Variants in KDM4C observed in about 807,000 individuals in gnomAD.
KDM4C encodes the protein lysine demethylase 4C, also known as lysine-specific demethylase 4C.
A neutral mutation model predicts 129.3 loss-of-function variants in KDM4C; 81 were observed. That is an observed-to-expected ratio of 0.63 (90% CI 0.52 to 0.75). KDM4C has a LOEUF of 0.75. Among genes scored for constraint, KDM4C ranks in the 30% least tolerant of loss-of-function variants. KDM4C has a pLI of 0.00. For missense variants in KDM4C, 1,457 were observed against 1,304.0 expected (o/e 1.12, Z -1.81); for synonymous variants, 573 against 456.1 (o/e 1.26, Z -3.26).
chr9:7,066,140 A>G (rs1354152131), intron 17 of KDM4C, among the ~76,000 whole-genome samples: 1 of 152,236 alleles, frequency 6.6e-6, no homozygotes, highest in East Asian at 1.9e-4. Flanking sequence ...GAAAAATTAT[A>G]GAATAAAGGT....
intron 17 of KDM4C, among the ~76,000 whole-genome samples, chr9:7,069,741 A>G (rs1832939177): frequency 6.6e-6 from 1 of 152,202 alleles, no homozygotes; most frequent in African/African-American, 2.4e-5. Context: ...TTCACAAGGA[A>G]ATGTGACTCC....
chr9:6,911,018 G>A (rs1819199275), intron 8 of KDM4C, among the ~76,000 whole-genome samples: 1 of 152,030 alleles, frequency 6.6e-6, no homozygotes, highest in Non-Finnish European at 1.5e-5. Context: ...ATAGAAAGAT[G>A]TTTATTAAAT....
chr9:6,840,522 G>A (rs906695966), intron 4 of KDM4C, among the ~76,000 whole-genome samples: 7 of 151,858 alleles, frequency 4.6e-5, no homozygotes, highest in Admixed American at 1.3e-4. Context: ...TCAGCCTCCC[G>A]AGTAGCTGGG....
chr9:7,045,368 C>T (rs975051243), intron 15 of KDM4C, among the ~76,000 whole-genome samples: 7 of 152,098 alleles, frequency 4.6e-5, no homozygotes, highest in South Asian at 2.1e-4. Flanking sequence ...TTCATGTATA[C>T]AACGAAAGTA....
intron 1 of KDM4C, among the ~76,000 whole-genome samples, chr9:6,772,690 T>C (rs988219420): frequency 6.9e-6 from 1 of 144,578 alleles, no homozygotes; most frequent in African/African-American, 2.6e-5. Context: ...TTTTTTCTTT[T>C]ACTTTTTTTT....
chr9:6,792,860 G>A (rs1024695459), intron 1 of KDM4C, 112 bp from the exon 2 acceptor site: 32 of 1,040,392 alleles, frequency 3.1e-5, no homozygotes, highest in Admixed American at 6.0e-5. Flanking sequence ...AAGGGAATGG[G>A]AAGTGACTGA....
chr9:7,157,744 G>T (rs1194541700), intron 19 of KDM4C, among the ~76,000 whole-genome samples: 1 of 152,168 alleles, frequency 6.6e-6, no homozygotes, highest in Non-Finnish European at 1.5e-5. Flanking sequence ...TGAGCTGCTG[G>T]ATTCGGTTTG....
intron 17 of KDM4C, among the ~76,000 whole-genome samples, chr9:7,055,350 A>T (rs1652399592): frequency 6.6e-6 from 1 of 152,238 alleles, no homozygotes; most frequent in Admixed American, 6.5e-5. Flanking sequence ...ATTTTGGAAT[A>T]GCAGGATTTG....
At chr9:7,137,922 T>C (rs1202756688) in intron 19 of KDM4C, among the ~76,000 whole-genome samples, 3 of 152,220 alleles carry the variant, frequency 2.0e-5, no homozygotes, top group Non-Finnish European at 4.4e-5. Flanking sequence ...TCTTATTCGA[T>C]AGATATATCC....
intron 15 of KDM4C, among the ~76,000 whole-genome samples, chr9:7,025,124 C>G (rs1353499641): frequency 6.6e-6 from 1 of 152,120 alleles, no homozygotes; most frequent in African/African-American, 2.4e-5. Context: ...CCTTATTTTT[C>G]TCTTCTTACA....
At chr9:6,942,067 G>A (rs952823005) in intron 8 of KDM4C, among the ~76,000 whole-genome samples, 2 of 152,146 alleles carry the variant, frequency 1.3e-5, no homozygotes, top group African/African-American at 4.8e-5. Context: ...AATATAAATT[G>A]GTAGAGCAGT....
chr9:7,027,269 T>C (rs1825962800), intron 15 of KDM4C, among the ~76,000 whole-genome samples: 1 of 152,222 alleles, frequency 6.6e-6, no homozygotes, highest in Non-Finnish European at 1.5e-5. Flanking sequence ...TTGAGCATTG[T>C]GATCTAAGCT....
chr9:7,066,739 A>G (rs1482391086), intron 17 of KDM4C, among the ~76,000 whole-genome samples: 1 of 152,134 alleles, frequency 6.6e-6, no homozygotes, highest in Non-Finnish European at 1.5e-5. Flanking sequence ...TGTTTTTTGT[A>G]AATAATGCAG....
chr9:6,941,622 G>GT (rs1309920725), intron 8 of KDM4C: 1 of 152,220 alleles, frequency 6.6e-6, no homozygotes, highest in African/African-American at 2.4e-5. Flanking sequence ...TGAACTGAGA[G>GT]TGAGAGGGAA....
intron 15 of KDM4C, among the ~76,000 whole-genome samples, chr9:7,019,716 AAT>A (rs1824354636): frequency 9.0e-6 from 1 of 111,656 alleles, no homozygotes; most frequent in African/African-American, 3.8e-5. Context: ...TATATATAAA[AAT>A]ATAATATTTT....
intron 19 of KDM4C, among the ~76,000 whole-genome samples, chr9:7,161,006 G>A (rs1001515962): frequency 2.6e-5 from 4 of 152,122 alleles, no homozygotes; most frequent in South Asian, 2.1e-4. Flanking sequence ...CTTCCCAGCC[G>A]CTTTGTTTAC....
chr9:7,145,655 T>G (rs1283712149), intron 19 of KDM4C, among the ~76,000 whole-genome samples: 4 of 152,260 alleles, frequency 2.6e-5, no homozygotes, highest in Admixed American at 2.6e-4. Context: ...AGGGCTTCTT[T>G]CTGTGAAGTC....
intron 8 of KDM4C, among the ~76,000 whole-genome samples, chr9:6,963,714 C>A (rs1538845): frequency 0.65 from 99,371 of 152,074 alleles, 33,534 homozygotes; most frequent in East Asian, 1. Context: ...GTGTCCTGTC[C>A]TGTGTCTTCC....
At chr9:6,830,463 G>T (rs1438795591) in intron 4 of KDM4C, among the ~76,000 whole-genome samples, 1 of 152,036 alleles carries the variant, frequency 6.6e-6, no homozygotes, top group Non-Finnish European at 1.5e-5. Context: ...TGCAGAGTTA[G>T]AGTCATGAAT....
Sources: gnomAD v4.1 joint callset for allele counts (sites outside exome capture counted in the v4.1 genomes callset) on GRCh38, gnomAD v4.1.1 for gene constraint, MANE v1.5 for transcripts, NCBI Gene and HGNC (gene_info 2026-07-23, HGNC 2026-07-21) for gene names.